The following ASAP1 variants were observed in gnomAD, a reference collection of about 807,000 sequenced individuals.
ASAP1 encodes the protein ArfGAP with SH3 domain, ankyrin repeat and PH domain 1.
Under a neutral mutation model 145.2 loss-of-function variants are expected in ASAP1, and 43 were observed. The ratio of observed to expected loss-of-function variants is 0.30; its 90% confidence interval spans 0.23 to 0.38. ASAP1 has a LOEUF of 0.38. Among genes scored for constraint, ASAP1 ranks in the 10% least tolerant of loss-of-function variants. The pLI is 1.00. For missense variants in ASAP1, 1,018 were observed against 1,355.3 expected, an observed-to-expected ratio of 0.75 and a Z score of 3.91; for synonymous variants, 546 against 515.5, an observed-to-expected ratio of 1.06 and a Z score of -0.80.
At chr8:130,291,566 G>C (rs1262927870) in intron 3 of ASAP1, among the ~76,000 whole-genome samples, 1 of 152,212 alleles carries the variant, frequency 6.6e-6, no homozygotes, top group Non-Finnish European at 1.5e-5. Flanking sequence ...TGAGAAGAGA[G>C]ATGAGGGGAG....
intron 27 of ASAP1, among the ~76,000 whole-genome samples, chr8:130,063,164 TTTTTA>T (rs2097422946): frequency 6.6e-6 from 1 of 151,906 alleles, no homozygotes; most frequent in Non-Finnish European, 1.5e-5. Context: ...CTTCAGGTAG[TTTTTA>T]TTTTATTTTT....
intron 3 of ASAP1, among the ~76,000 whole-genome samples, chr8:130,344,667 G>C (rs1447009091): frequency 6.6e-6 from 1 of 152,208 alleles, no homozygotes; most frequent in South Asian, 2.1e-4. Context: ...CCAGGAGATA[G>C]AACCTGCAGT....
chr8:130,214,517 A>T (rs1816774439), intron 5 of ASAP1, 39 bp downstream of exon 5: 1 of 1,535,012 alleles, frequency 6.5e-7, no homozygotes, highest in East Asian at 2.3e-5. Context: ...TATTTTGGAA[A>T]GGCTGTAATT....
At chr8:130,414,898 G>A (rs1012861311) in intron 1 of ASAP1, among the ~76,000 whole-genome samples, 1 of 151,858 alleles carries the variant, frequency 6.6e-6, no homozygotes, top group Non-Finnish European at 1.5e-5. Context: ...CCAGGATTAT[G>A]GGCATACGCC....
chr8:130,098,431 C>T (rs2097522879), intron 24 of ASAP1, among the ~76,000 whole-genome samples: 1 of 152,156 alleles, frequency 6.6e-6, no homozygotes. Flanking sequence ...GCAATGTCCA[C>T]CTCCCGGGTT....
chr8:130,168,828 C>T lies in ASAP1; in HGVS notation c.822+164G>A, dbSNP rs190410630. On this transcript the variant is annotated intron_variant, in intron 10 of 29. Transcript: ENST00000518721. ...GAAGGACTCTGGAGCATTTGACCAT[C>T]GATGACTTCTCTGACTTAAACTGAA... Among the ~76,000 whole-genome samples the T allele has an allele frequency of 1.2e-3, 177 of 152,252 alleles. 3 individuals are homozygous for T. Among genetic ancestry groups the T allele is most frequent in the African/African-American group, 4.1e-3 (172 of 41,548 alleles).
At chr8:130,134,046 G>A (rs568794199) in intron 15 of ASAP1, among the ~76,000 whole-genome samples, 14 of 152,344 alleles carry the variant, frequency 9.2e-5, no homozygotes, top group African/African-American at 3.4e-4. Flanking sequence ...GCAAGGAGTA[G>A]TGAGCTATAA....
intron 8 of ASAP1, among the ~76,000 whole-genome samples, chr8:130,179,694 C>A (rs930038895): frequency 6.6e-6 from 1 of 152,000 alleles, no homozygotes; most frequent in African/African-American, 2.4e-5. Context: ...GCAGAAAGTA[C>A]GCAGAATAGC....
chr8:130,376,522 GCCA>G (rs1827501504), intron 2 of ASAP1, among the ~76,000 whole-genome samples: 1 of 152,066 alleles, frequency 6.6e-6, no homozygotes, highest in Admixed American at 6.5e-5. Flanking sequence ...GGTCAGGAGT[GCCA>G]GACCAGCCTG....
chr8:130,203,786 G>C (rs1816022721), intron 5 of ASAP1, among the ~76,000 whole-genome samples: 1 of 152,174 alleles, frequency 6.6e-6, no homozygotes, highest in East Asian at 1.9e-4. Flanking sequence ...TGTACTTCCA[G>C]ATCTGGGCCT....
intron 20 of ASAP1, among the ~76,000 whole-genome samples, chr8:130,117,936 C>T (rs2097559046): frequency 6.6e-6 from 1 of 152,364 alleles, no homozygotes; most frequent in African/African-American, 2.4e-5. Flanking sequence ...AATACAGCCA[C>T]ACTTGCTTGT....
intron 25 of ASAP1, among the ~76,000 whole-genome samples, chr8:130,089,328 T>A (rs1462334839): frequency 6.6e-6 from 1 of 152,126 alleles, no homozygotes; most frequent in Non-Finnish European, 1.5e-5. Flanking sequence ...ATGGCAGACA[T>A]GTTCAGCTTT....
chr8:130,299,745 C>T (rs1273175208), intron 3 of ASAP1, among the ~76,000 whole-genome samples: 1 of 151,982 alleles, frequency 6.6e-6, no homozygotes, highest in Non-Finnish European at 1.5e-5. Context: ...TAAGTGAGTT[C>T]AAAATCCAAA....
intron 7 of ASAP1, 142 bp from the exon 8 acceptor site, chr8:130,181,022 T>G (rs1258081508): frequency 2.2e-5 from 8 of 356,402 alleles, no homozygotes; most frequent in East Asian, 9.8e-5. Context: ...TGTACCACTC[T>G]GGTGGGGGTC....
chr8:130,164,180 T>C (rs550976026), intron 11 of ASAP1, among the ~76,000 whole-genome samples: 2 of 152,194 alleles, frequency 1.3e-5, no homozygotes, highest in East Asian at 1.9e-4. Context: ...CTGTCAAACC[T>C]GCAAACGATA....
At chr8:130,300,398 A>T (rs1822591932) in intron 3 of ASAP1, among the ~76,000 whole-genome samples, 2 of 152,168 alleles carry the variant, frequency 1.3e-5, no homozygotes, top group South Asian at 4.1e-4. Flanking sequence ...GCTGTTTTTT[A>T]ATTTTTTCAA....
chr8:130,393,707 G>T (rs1376455061), intron 2 of ASAP1, among the ~76,000 whole-genome samples: 2 of 152,206 alleles, frequency 1.3e-5, no homozygotes, highest in Non-Finnish European at 2.9e-5. Flanking sequence ...AGTGGGCCAA[G>T]ATCTCACCAC....
chr8:130,220,998 T>A (rs1446137664), intron 4 of ASAP1, among the ~76,000 whole-genome samples: 1 of 152,046 alleles, frequency 6.6e-6, no homozygotes, highest in Non-Finnish European at 1.5e-5. Context: ...CATGTGGGGA[T>A]TACAATTCAG....
At chr8:130,116,597 A>T in intron 22 of ASAP1, 81 bp downstream of exon 22, 3 of 1,232,990 alleles carry the variant, frequency 2.4e-6, no homozygotes, top group Non-Finnish European at 3.5e-6. Flanking sequence ...CTGCATTTTT[A>T]ATATTCAATT....
Sources: allele counts gnomAD v4.1 joint callset (sites outside exome capture counted in the v4.1 genomes callset), GRCh38; gene constraint gnomAD v4.1.1; transcripts MANE v1.5; gene names NCBI Gene and HGNC (gene_info 2026-07-23, HGNC 2026-07-21).